SCAMP1: variants seen among roughly 807,000 people sequenced by gnomAD.
The protein encoded by SCAMP1 is secretory carrier-associated membrane protein 1.
A neutral mutation model predicts 41.8 loss-of-function variants in SCAMP1; 15 were observed. The ratio of observed to expected loss-of-function variants is 0.36; its 90% CI spans 0.24 to 0.55. SCAMP1 has a LOEUF of 0.55. Among genes scored for constraint, SCAMP1 ranks in the 20% least tolerant of loss-of-function variants. The pLI, the probability that SCAMP1 is intolerant of heterozygous loss-of-function variation, is 0.86. For synonymous variants in SCAMP1, 135 were observed against 136.8 expected (o/e 0.99, Z 0.09); for missense variants, 341 against 412.6 (o/e 0.83, Z 1.50).
intron 2 of SCAMP1, among the ~76,000 whole-genome samples, chr5:78,396,670 G>A (rs1191662806): frequency 6.6e-6 from 1 of 152,150 alleles, no homozygotes; most frequent in African/African-American, 2.4e-5. Flanking sequence ...GTATTGCAGA[G>A]AAGCAAGACC....
intron 6 of SCAMP1, among the ~76,000 whole-genome samples, chr5:78,439,609 T>G (rs745326835): frequency 6.6e-6 from 1 of 152,242 alleles, no homozygotes; most frequent in Non-Finnish European, 1.5e-5. Context: ...GGCTTACCTT[T>G]GTGAGTAACC....
rs527603227 is a variant in SCAMP1 at position 78,454,785 on chromosome 5, C to T, written c.735-4460C>T. 3.6e-3 allele frequency among the ~76,000 whole-genome samples: 545 copies of T among 152,254 alleles called. 6 individuals are homozygous for T. The highest frequency in any genetic ancestry group is 0.013 in the African/African-American group (525 of 41,528). On this transcript the variant is annotated intron_variant, in intron 7 of 8. Coordinates refer to ENST00000621999, the MANE Select transcript of SCAMP1 (RefSeq NM_004866.6). ...ACCAGTTCCTCCTTGTACCTCTGAT[C>T]GAATTCGGCTGTGAATCCATCTGGT... is the stretch of plus-strand genomic sequence containing the variant.
chr5:78,449,662 CAA>C (rs1340489414), intron 6 of SCAMP1, among the ~76,000 whole-genome samples: 4 of 151,986 alleles, frequency 2.6e-5, no homozygotes, highest in Admixed American at 6.6e-5. Flanking sequence ...GTTTTTTTGT[CAA>C]GAGGGATTGT....
intron 2 of SCAMP1, among the ~76,000 whole-genome samples, chr5:78,391,899 C>T (rs901189579): frequency 7.9e-5 from 12 of 152,054 alleles, no homozygotes; most frequent in South Asian, 2.1e-4. Flanking sequence ...CGCAGGCACT[C>T]GGCAGGCTGA....
chr5:78,479,501 C>G lies in SCAMP1; in HGVS notation c.*3833C>G, dbSNP rs1335571173. ...GAATTTTAGGGCATATTTTATAAAGCAGCATGCCTGTAATATTGGTGGGTA... is the reference window on the plus strand; with the variant it reads ...GAATTTTAGGGCATATTTTATAAAGGAGCATGCCTGTAATATTGGTGGGTA... On this transcript the variant is annotated 3_prime_UTR_variant, in exon 9 of 9. Transcript: ENST00000621999. 1.3e-5 allele frequency among the ~76,000 whole-genome samples: 2 copies of G among 152,146 alleles called. No homozygotes were observed. The highest frequency in any genetic ancestry group is 2.9e-5 in the Non-Finnish European group (2 of 68,026).
intron 1 of SCAMP1, among the ~76,000 whole-genome samples, chr5:78,374,668 T>G (rs576606120): frequency 1.3e-5 from 2 of 151,962 alleles, no homozygotes; most frequent in East Asian, 3.9e-4. Context: ...CAAAGAAATC[T>G]TTCTCTAGAA....
chr5:78,452,927 T>C (rs926280208), intron 7 of SCAMP1, among the ~76,000 whole-genome samples: 8 of 150,414 alleles, frequency 5.3e-5, no homozygotes, highest in African/African-American at 2.0e-4. Context: ...TTTGCATTTC[T>C]CTGATGGCCA....
chr5:78,422,367 T>G (rs1752359124), intron 6 of SCAMP1, among the ~76,000 whole-genome samples: 1 of 152,076 alleles, frequency 6.6e-6, no homozygotes, highest in African/African-American at 2.4e-5. Context: ...ACATGCAATA[T>G]TTAAAATGAG....
chr5:78,480,247 C>A lies in SCAMP1; in HGVS notation c.*4579C>A, dbSNP rs979430006. 1.3e-5 allele frequency among the ~76,000 whole-genome samples: 2 copies of A among 152,178 alleles called. No homozygotes were observed. The highest frequency in any genetic ancestry group is 4.8e-5 in the African/African-American group (2 of 41,428). On this transcript the variant is annotated 3_prime_UTR_variant, in exon 9 of 9. Transcript: ENST00000621999. ...CTCCTAACACTAAAAGCCATTTAAT[C>A]TTTTCTGTAATAGGAGCAGAAAATA...
chr5:78,371,301 T>A (rs919523612), intron 1 of SCAMP1, among the ~76,000 whole-genome samples: 5 of 152,198 alleles, frequency 3.3e-5, no homozygotes, highest in African/African-American at 1.2e-4. Flanking sequence ...AGCTGTTGAA[T>A]TTAGGTCTAT....
At chr5:78,431,719 C>T (rs1752629840) in intron 6 of SCAMP1, among the ~76,000 whole-genome samples, 2 of 151,636 alleles carry the variant, frequency 1.3e-5, no homozygotes, top group South Asian at 2.1e-4. Context: ...TAAGGATCTC[C>T]CAGCAGAGTA....
chr5:78,419,262 G>T (rs923497444), intron 5 of SCAMP1, among the ~76,000 whole-genome samples: 14 of 152,100 alleles, frequency 9.2e-5, no homozygotes, highest in Non-Finnish European at 1.8e-4. Context: ...GCAGAGGAAG[G>T]CCATTTAAAA....
intron 8 of SCAMP1, among the ~76,000 whole-genome samples, chr5:78,468,255 T>C (rs1009179849): frequency 2.0e-5 from 3 of 152,216 alleles, no homozygotes; most frequent in African/African-American, 7.2e-5. Flanking sequence ...TACATCTGCA[T>C]GGAGAAGGGT....
At chr5:78,410,615 A>G (rs577981072) in intron 2 of SCAMP1, among the ~76,000 whole-genome samples, 74 of 152,218 alleles carry the variant, frequency 4.9e-4, no homozygotes, top group African/African-American at 1.7e-3. Context: ...ATAGGTGTGC[A>G]TGTGTCTTTG....
intron 2 of SCAMP1, among the ~76,000 whole-genome samples, chr5:78,397,372 ACT>A (rs1212571039): frequency 6.6e-6 from 1 of 152,122 alleles, no homozygotes; most frequent in African/African-American, 2.4e-5. Context: ...AAACTATACA[ACT>A]CTTAGAAGAA....
At chr5:78,440,241 C>T (rs191913537) in intron 6 of SCAMP1, among the ~76,000 whole-genome samples, 140 of 152,276 alleles carry the variant, frequency 9.2e-4, no homozygotes, top group African/African-American at 3.2e-3. Flanking sequence ...CAGCTTTGTT[C>T]CCTTGCTGGT....
intron 1 of SCAMP1, among the ~76,000 whole-genome samples, chr5:78,366,691 T>A (rs189197970): frequency 6.4e-4 from 98 of 152,250 alleles, no homozygotes; most frequent in African/African-American, 2.2e-3. Context: ...CCCTTATCTG[T>A]TTAAAATTTT....
intron 2 of SCAMP1, among the ~76,000 whole-genome samples, chr5:78,397,234 A>C (rs1358890822): frequency 6.6e-6 from 1 of 152,240 alleles, no homozygotes; most frequent in African/African-American, 2.4e-5. Context: ...ATCCAATGGG[A>C]AAGAATAATC....
rs543554958 is a variant in SCAMP1 at position 78,369,772 on chromosome 5, C to T, written c.57+9044C>T. On this transcript the variant is annotated intron_variant, in intron 1 of 8. Transcript: ENST00000621999. ...ATATTGGAATTAAGTATGATCAGTT[C>T]AGCTAGAGAGGATGCTTTATGTTCA... 1.1e-4 allele frequency among the ~76,000 whole-genome samples: 17 copies of T among 152,308 alleles called. 1 individual carries two copies. The South Asian group carries it at 3.5e-3, about 32-fold the overall frequency.
Sources: gnomAD v4.1 joint callset for allele counts (sites outside exome capture counted in the v4.1 genomes callset) on GRCh38, gnomAD v4.1.1 for gene constraint, MANE v1.5 for transcripts, NCBI Gene and HGNC (gene_info 2026-07-23, HGNC 2026-07-21) for gene names.